RALGPS1: variants seen among roughly 807,000 people sequenced by gnomAD.
The protein encoded by RALGPS1 is ras-specific guanine nucleotide-releasing factor RalGPS1.
Under a neutral mutation model 78.8 loss-of-function variants are expected in RALGPS1, and 19 were observed. The observed-to-expected ratio is 0.24, with a 90% CI of 0.17 to 0.35. The LOEUF (loss-of-function observed/expected upper bound fraction) is 0.35. Among genes scored for constraint, RALGPS1 ranks in the 10% least tolerant of loss-of-function variants. The probability of loss-of-function intolerance (pLI) is 1.00; values close to 1 mark genes in which losing one functional copy is unlikely to be tolerated. For missense variants in RALGPS1, 454 were observed against 688.3 expected (o/e 0.66, Z 3.81); for synonymous variants, 228 against 256.3 (o/e 0.89, Z 1.06).
At chr9:126,983,278 A>C (rs2041498005) in intron 4 of RALGPS1, among the ~76,000 whole-genome samples, 1 of 151,750 alleles carries the variant, frequency 6.6e-6, no homozygotes. Flanking sequence ...AATTTTGAAT[A>C]GATATGTGTA....
intron 8 of RALGPS1, among the ~76,000 whole-genome samples, chr9:127,160,650 G>T (rs1254610080): frequency 2.0e-5 from 3 of 152,152 alleles, no homozygotes. Context: ...CACAGCAGGG[G>T]TCCTCACACC....
chr9:127,054,516 C>A lies in RALGPS1; in HGVS notation c.483+1577C>A, dbSNP rs933487897. Among the ~76,000 whole-genome samples, 5 of 152,156 alleles carry A rather than the reference C, an allele frequency of 3.3e-5. No individual in the cohort carries two copies. In the East Asian group the frequency reaches 9.6e-4, roughly 29 times the overall value. On this transcript the variant is annotated intron_variant, in intron 7 of 18. Coordinates refer to ENST00000259351, the MANE Select transcript of RALGPS1 (RefSeq NM_014636.3). Reference sequence around the variant, plus strand: ...GATACGGTCCACTCAGTGATAGGGCCAGGCCCATGGATGAAGCGATGGTGT... The same window carrying A: ...GATACGGTCCACTCAGTGATAGGGCAAGGCCCATGGATGAAGCGATGGTGT...
intron 8 of RALGPS1, among the ~76,000 whole-genome samples, chr9:127,158,010 A>G (rs998658057): frequency 1.3e-5 from 2 of 152,104 alleles, no homozygotes; most frequent in Non-Finnish European, 2.9e-5. Flanking sequence ...TTATTTGATA[A>G]TATTTTATTT....
At chr9:126,989,850 C>T (rs1384496228) in intron 4 of RALGPS1, 18 of 1,547,146 alleles carry the variant, frequency 1.2e-5, no homozygotes, top group Non-Finnish European at 1.3e-5. Flanking sequence ...AGACCTTGAG[C>T]TTGACTTGAC....
intron 8 of RALGPS1, among the ~76,000 whole-genome samples, chr9:127,096,991 G>A (rs530099615): frequency 2.8e-4 from 42 of 152,274 alleles, no homozygotes; most frequent in Non-Finnish European, 4.3e-4. Context: ...TGCACCCAGG[G>A]GGTGTGCAGA....
intron 13 of RALGPS1, among the ~76,000 whole-genome samples, chr9:127,197,637 G>A (rs2061414683): frequency 1.3e-5 from 2 of 152,204 alleles, no homozygotes; most frequent in African/African-American, 4.8e-5. Context: ...AGTCTGACAA[G>A]CATGTTCTGT....
At chr9:127,029,369 G>A (rs1173369353) in intron 4 of RALGPS1, among the ~76,000 whole-genome samples, 1 of 152,174 alleles carries the variant, frequency 6.6e-6, no homozygotes, top group Non-Finnish European at 1.5e-5. Flanking sequence ...TTGGTTAGGT[G>A]TGTAATTGTC....
At chr9:127,108,201 C>G in intron 8 of RALGPS1, 2 of 1,614,060 alleles carry the variant, frequency 1.2e-6, no homozygotes, top group Non-Finnish European at 1.7e-6. Context: ...GCTCCAGGTC[C>G]TTGTACTTGC....
At chr9:127,109,645 A>G (rs748522985) in intron 8 of RALGPS1, among the ~76,000 whole-genome samples, 1 of 152,212 alleles carries the variant, frequency 6.6e-6, no homozygotes, top group Non-Finnish European at 1.5e-5. Context: ...TGGACCATTC[A>G]TCCTTTCACC....
At chr9:127,076,857 G>A (rs2050723847) in intron 8 of RALGPS1, among the ~76,000 whole-genome samples, 1 of 152,228 alleles carries the variant, frequency 6.6e-6, no homozygotes, top group Non-Finnish European at 1.5e-5. Context: ...CTTTCTGGAG[G>A]GAAGTAGAGT....
At chr9:127,060,111 G>T (rs986084170) in intron 7 of RALGPS1, among the ~76,000 whole-genome samples, 5 of 152,184 alleles carry the variant, frequency 3.3e-5, no homozygotes, top group African/African-American at 1.2e-4. Flanking sequence ...TGCCTGCACA[G>T]AGAGGAGAGT....
At chr9:127,137,675 C>T (rs978163691) in intron 8 of RALGPS1, among the ~76,000 whole-genome samples, 3 of 152,192 alleles carry the variant, frequency 2.0e-5, no homozygotes, top group Non-Finnish European at 4.4e-5. Flanking sequence ...ACATCTTTTT[C>T]CCCCTTCTTT....
At chr9:127,117,355 A>G (rs1019242011) in intron 8 of RALGPS1, among the ~76,000 whole-genome samples, 3 of 152,250 alleles carry the variant, frequency 2.0e-5, no homozygotes, top group African/African-American at 4.8e-5. Flanking sequence ...ACTACTGAGT[A>G]TCCAGGATGG....
chr9:126,980,701 C>T (rs2041166952), intron 4 of RALGPS1, among the ~76,000 whole-genome samples: 1 of 152,076 alleles, frequency 6.6e-6, no homozygotes, highest in African/African-American at 2.4e-5. Context: ...TTAATTCAGC[C>T]CACAGAGGTA....
chr9:126,969,498 C>T (rs1436560243), intron 3 of RALGPS1, among the ~76,000 whole-genome samples: 4 of 152,182 alleles, frequency 2.6e-5, no homozygotes, highest in Non-Finnish European at 2.9e-5. Flanking sequence ...GACAGTATAA[C>T]ACTAGAGCCT....
At chr9:127,165,499 C>T (rs1313269410) in intron 8 of RALGPS1, among the ~76,000 whole-genome samples, 1 of 152,210 alleles carries the variant, frequency 6.6e-6, no homozygotes, top group Non-Finnish European at 1.5e-5. Flanking sequence ...ATTTTTATTT[C>T]ACATCTTATT....
intron 8 of RALGPS1, among the ~76,000 whole-genome samples, chr9:127,163,242 A>G (rs1011593627): frequency 6.6e-6 from 1 of 152,196 alleles, no homozygotes; most frequent in Non-Finnish European, 1.5e-5. Context: ...TTGAAGCAGT[A>G]ATAGCATTTT....
chr9:127,073,442 A>T (rs1313141049), intron 8 of RALGPS1, among the ~76,000 whole-genome samples: 1 of 97,088 alleles, frequency 1.0e-5, no homozygotes, highest in African/African-American at 3.5e-5. Flanking sequence ...CAAGTAGTAC[A>T]CCATTGTGTG....
At position 127,212,614 on chromosome 9, in the gene RALGPS1, C is replaced by T. The variant is rs367780658; in HGVS notation, c.1354-13C>T. ...CCCCTGGTGGCATCACTCAGCCTCC[C>T]CTTCCTCTGTAGCTGTCCTCGTGGA... is the stretch of plus-strand genomic sequence containing the variant. On this transcript the variant is annotated splice_polypyrimidine_tract_variant and intron_variant, in intron 15 of 18. Transcript: ENST00000259351. The surrounding 1 kb of genome is among the most constrained non-coding windows in gnomAD (Gnocchi z 6.0). The T allele has an allele frequency of 3.5e-5, 55 of 1,591,326 alleles. No individual in the cohort carries two copies. In the African/African-American group the frequency reaches 4.7e-4, roughly 14 times the overall value.
Sources: allele counts gnomAD v4.1 joint callset (sites outside exome capture counted in the v4.1 genomes callset), GRCh38; gene constraint gnomAD v4.1.1; non-coding constraint Gnocchi (gnomAD v3.1); transcripts MANE v1.5; gene names NCBI Gene and HGNC (gene_info 2026-07-23, HGNC 2026-07-21).